Variants in TENM4 observed in about 807,000 individuals in gnomAD.
The protein encoded by TENM4 is teneurin-4.
TENM4 carries 82 observed loss-of-function variants against 243.3 expected under a neutral mutation model. The observed-to-expected ratio is 0.34, with a 90% CI of 0.28 to 0.40. The LOEUF is 0.40. Among genes scored for constraint, TENM4 ranks in the 10% least tolerant of loss-of-function variants. TENM4 has a pLI of 1.00. For synonymous variants in TENM4, 1,412 were observed against 1,456.3 expected, an observed-to-expected ratio of 0.97 and a Z score of 0.69; for missense variants, 3,138 against 3,673.3, an observed-to-expected ratio of 0.85 and a Z score of 3.77.
intron 19 of TENM4, among the ~76,000 whole-genome samples, chr11:78,742,096 C>T (rs1855944025): frequency 6.6e-6 from 1 of 152,140 alleles, no homozygotes; most frequent in Admixed American, 6.5e-5. Flanking sequence ...TTATAAGTAT[C>T]TCTCTAGTAT....
intron 12 of TENM4, among the ~76,000 whole-genome samples, chr11:78,819,465 A>G (rs1857679519): frequency 6.6e-6 from 1 of 152,152 alleles, no homozygotes; most frequent in Non-Finnish European, 1.5e-5. Context: ...GGACAGCCCA[A>G]TTGCCTCCTT....
chr11:79,332,941 T>C (rs562015620), intron 1 of TENM4, among the ~76,000 whole-genome samples: 4 of 152,252 alleles, frequency 2.6e-5, no homozygotes, highest in Middle Eastern at 3.4e-3. Context: ...ACTCTGGAGG[T>C]ATACCCAATT....
At chr11:79,142,711 C>G (rs943202394) in intron 4 of TENM4, among the ~76,000 whole-genome samples, 2 of 152,080 alleles carry the variant, frequency 1.3e-5, no homozygotes, top group Non-Finnish European at 2.9e-5. Context: ...CTAGAGGAAT[C>G]ACATTACCTG....
intron 4 of TENM4, among the ~76,000 whole-genome samples, chr11:79,089,241 C>T (rs575359643): frequency 6.1e-4 from 93 of 152,322 alleles, no homozygotes; most frequent in Non-Finnish European, 9.6e-4. Flanking sequence ...GGGGATTAGC[C>T]CCCAAGAGGG....
intron 6 of TENM4, among the ~76,000 whole-genome samples, chr11:78,940,155 C>A (rs1255095799): frequency 2.0e-5 from 3 of 152,118 alleles, no homozygotes; most frequent in Non-Finnish European, 4.4e-5. Context: ...ATATGTTTAT[C>A]AAATTAGGTT....
At chr11:79,237,546 A>G (rs574989588) in intron 2 of TENM4, among the ~76,000 whole-genome samples, 4 of 152,296 alleles carry the variant, frequency 2.6e-5, no homozygotes, top group Non-Finnish European at 1.5e-5. Context: ...GTGTGGTGGC[A>G]GGCACCTATA....
At chr11:78,968,273 T>A (rs759005350) in intron 6 of TENM4, among the ~76,000 whole-genome samples, 1 of 152,196 alleles carries the variant, frequency 6.6e-6, no homozygotes. Flanking sequence ...TGTAGCACCA[T>A]GAGCCAAATA....
chr11:79,121,982 C>T (rs192909722), intron 4 of TENM4, among the ~76,000 whole-genome samples: 2 of 152,272 alleles, frequency 1.3e-5, no homozygotes, highest in East Asian at 3.9e-4. Context: ...GTTGTCCAAA[C>T]CTTTTATCAT....
Position 78,799,451 on chromosome 11 carries a change from G to A in TENM4, c.2179+5841C>T, listed in dbSNP as rs12281203. 7.7e-3 allele frequency among the ~76,000 whole-genome samples: 1,167 copies of A among 152,320 alleles called. 11 individuals are homozygous for A. The highest frequency in any genetic ancestry group is 0.027 in the African/African-American group (1,105 of 41,572). ...ACTGTCCTAAGAATTACACTTGTTAGAGTCTAAGGACTGTTTGGATAACTT... is the reference window on the plus strand; with the variant it reads ...ACTGTCCTAAGAATTACACTTGTTAAAGTCTAAGGACTGTTTGGATAACTT... On this transcript the variant is annotated intron_variant, in intron 15 of 33. Transcript: ENST00000278550.
chr11:78,951,849 T>G (rs1036037135), intron 6 of TENM4, among the ~76,000 whole-genome samples: 7 of 152,172 alleles, frequency 4.6e-5, no homozygotes, highest in Non-Finnish European at 1.0e-4. Flanking sequence ...TGAACACAAT[T>G]CAGTCCATAG....
intron 4 of TENM4, among the ~76,000 whole-genome samples, chr11:79,115,347 C>G (rs1190773700): frequency 5.9e-5 from 9 of 152,126 alleles, no homozygotes; most frequent in African/African-American, 2.2e-4. Context: ...CAAATTATCT[C>G]TTTTTATCTC....
intron 6 of TENM4, among the ~76,000 whole-genome samples, chr11:78,958,510 T>C (rs1041799670): frequency 6.6e-6 from 1 of 152,220 alleles, no homozygotes; most frequent in Non-Finnish European, 1.5e-5. Flanking sequence ...AGGATTTTGA[T>C]AAGAGAAAAA....
chr11:79,406,615 C>T (rs187798669), intron 1 of TENM4, among the ~76,000 whole-genome samples: 17 of 152,200 alleles, frequency 1.1e-4, no homozygotes, highest in Admixed American at 3.9e-4. Context: ...TGGTCCCAGT[C>T]CCCCGTGGAA....
chr11:79,395,634 G>T (rs2135547834), intron 1 of TENM4, among the ~76,000 whole-genome samples: 1 of 152,304 alleles, frequency 6.6e-6, no homozygotes, highest in East Asian at 1.9e-4. Flanking sequence ...GCTCCCAGAA[G>T]GTATAGCATC....
chr11:79,137,795 C>A (rs139135493), intron 4 of TENM4, among the ~76,000 whole-genome samples: 4 of 151,950 alleles, frequency 2.6e-5, no homozygotes, highest in Non-Finnish European at 5.9e-5. Context: ...GGGATTGGTG[C>A]GTCTCCAGTT....
intron 20 of TENM4, among the ~76,000 whole-genome samples, chr11:78,737,815 G>C (rs1245190507): frequency 6.6e-6 from 1 of 152,184 alleles, no homozygotes; most frequent in Non-Finnish European, 1.5e-5. Context: ...GTGGGGTGGG[G>C]AACTAAGATT....
At chr11:79,383,306 C>G (rs1472199212) in intron 1 of TENM4, among the ~76,000 whole-genome samples, 1 of 152,214 alleles carries the variant, frequency 6.6e-6, no homozygotes, top group Non-Finnish European at 1.5e-5. Flanking sequence ...TTCAGAAATA[C>G]CACTTTCTCT....
intron 2 of TENM4, among the ~76,000 whole-genome samples, chr11:79,218,130 T>G (rs903429082): frequency 6.6e-6 from 1 of 152,168 alleles, no homozygotes; most frequent in Non-Finnish European, 1.5e-5. Flanking sequence ...GTACACTAAT[T>G]AGGATATGAC....
rs1264456393 is a variant in TENM4 at position 79,110,164 on chromosome 11, C to T, written c.-66+38546G>A. Among the ~76,000 whole-genome samples, 3 of 152,216 alleles carry T rather than the reference C, an allele frequency of 2.0e-5. No individual in the cohort carries two copies. In the East Asian group the frequency reaches 5.8e-4, roughly 29 times the overall value. ...AGGAAACTTTGTGCAACTCCATCAT[C>T]ATCATAACACAGACTGCCGCCCACC... On this transcript the variant is annotated intron_variant, in intron 4 of 33. Coordinates refer to ENST00000278550, the MANE Select transcript of TENM4 (RefSeq NM_001098816.3).
Sources: allele counts gnomAD v4.1 joint callset (sites outside exome capture counted in the v4.1 genomes callset), GRCh38; gene constraint gnomAD v4.1.1; transcripts MANE v1.5; gene names NCBI Gene and HGNC (gene_info 2026-07-23, HGNC 2026-07-21).